UGGT1: variants seen among roughly 807,000 people sequenced by gnomAD.
UGGT1 encodes UDP-glucose:glycoprotein glucosyltransferase 1.
In UGGT1, 107 loss-of-function variants were observed where a neutral mutation model predicts 203.9. That is an observed-to-expected ratio of 0.52 (90% CI 0.45 to 0.62). The LOEUF (loss-of-function observed/expected upper bound fraction) is 0.62. UGGT1 is among the 20% of genes least tolerant of loss of function. The probability of loss-of-function intolerance (pLI) is 0.00; values close to 1 mark genes in which losing one functional copy is unlikely to be tolerated. For missense variants in UGGT1, 1,673 were observed against 1,867.2 expected (o/e 0.90, Z 1.92); for synonymous variants, 628 against 653.5 (o/e 0.96, Z 0.59).
At chr2:128,167,078 C>T (rs957554691) in intron 26 of UGGT1, among the ~76,000 whole-genome samples, 1 of 152,072 alleles carries the variant, frequency 6.6e-6, no homozygotes, top group African/African-American at 2.4e-5. Flanking sequence ...TTGAATTTGG[C>T]CATTAGCACC....
At position 128,179,789 on chromosome 2, in the gene UGGT1, A is replaced by G; in HGVS notation, c.3819A>G (p.Ile1273Met). The G allele has an allele frequency of 6.2e-7, 1 of 1,611,514 alleles. No homozygotes were observed. Residue 1273 changes from isoleucine to methionine, a missense_variant, in exon 35 of 41, where the codon ATA becomes ATG. Transcript: ENST00000259253. ...ATTACCTGCTTTTGTTTGGCAGCAT[A>G]ATGATGCTATCCGTGCTGAAGAATA... ...SGHLYERFLR[I>M]MMLSVLKNTK...
At chr2:128,170,236 C>A in intron 26 of UGGT1, 52 bp from the exon 27 acceptor site, 4 of 1,540,674 alleles carry the variant, frequency 2.6e-6, no homozygotes, top group Non-Finnish European at 3.6e-6. Flanking sequence ...ACAAAAAAAA[C>A]TTTTGTTTCC....
chr2:128,097,344 C>T, intron 1 of UGGT1, 85 bp from the exon 2 acceptor site: 3 of 1,489,070 alleles, frequency 2.0e-6, no homozygotes, highest in Non-Finnish European at 2.7e-6. Context: ...CACTGCACTC[C>T]AGCCTGGGCG....
intron 15 of UGGT1, 113 bp from the exon 16 acceptor site, chr2:128,138,604 A>G: frequency 3.1e-6 from 4 of 1,292,816 alleles, no homozygotes; most frequent in Non-Finnish European, 4.2e-6. Context: ...CTTTTCACTC[A>G]AAGAGTTTTC....
In UGGT1 at chr2:128,108,136, T is replaced by A. The variant is rs546172588; in HGVS notation, c.408+68T>A. 63 of 1,547,940 alleles carry A rather than the reference T, an allele frequency of 4.1e-5. No homozygotes were observed. In the African/African-American group the frequency reaches 8.3e-4, roughly 20 times the overall value. ...TCATGATGAATGGATGGACCCCAGT[T>A]GTCCTGGAATTGAATTACAGAGCTA... On this transcript the variant is annotated intron_variant, in intron 4 of 40. Transcript: ENST00000259253.
chr2:128,136,927 CATT>C (rs1208354611), intron 15 of UGGT1, among the ~76,000 whole-genome samples: 2 of 152,164 alleles, frequency 1.3e-5, no homozygotes, highest in African/African-American at 2.4e-5. Flanking sequence ...GGTGGTATGT[CATT>C]GTTGTTTAAT....
chr2:128,178,399 CT>C, intron 33 of UGGT1, 68 bp from the exon 34 acceptor site: 1 of 1,341,986 alleles, frequency 7.5e-7, no homozygotes, highest in Non-Finnish European at 1.0e-6. Context: ...TCTCTTTCCT[CT>C]TACTTTCAAA....
intron 30 of UGGT1, among the ~76,000 whole-genome samples, chr2:128,174,481 A>C (rs1486228519): frequency 1.3e-5 from 2 of 151,830 alleles, no homozygotes; most frequent in Non-Finnish European, 2.9e-5. Context: ...GTCCTTTTTT[A>C]GTAGAGATGG....
At chr2:128,136,246 A>G (rs1373960713) in intron 15 of UGGT1, among the ~76,000 whole-genome samples, 1 of 152,238 alleles carries the variant, frequency 6.6e-6, no homozygotes, top group African/African-American at 2.4e-5. Flanking sequence ...TCCATAGTTT[A>G]CATTAAGATT....
At chr2:128,142,927 C>T (rs945484417) in intron 16 of UGGT1, among the ~76,000 whole-genome samples, 167 bp from the exon 17 acceptor site, 2 of 151,702 alleles carry the variant, frequency 1.3e-5, no homozygotes, top group African/African-American at 4.8e-5. Context: ...GTTCAGTGAG[C>T]CGAGATTGTG....
rs73955953 is a variant in UGGT1 at position 128,154,118 on chromosome 2, A to G, written c.2137+1214A>G. Among the ~76,000 whole-genome samples, 628 of 152,112 alleles carry G rather than the reference A, an allele frequency of 4.1e-3. 6 individuals are homozygous for G. The highest frequency in any genetic ancestry group is 0.013 in the African/African-American group (551 of 41,486). On this transcript the variant is annotated intron_variant, in intron 19 of 40. Transcript: ENST00000259253. ...ACATAAGCACACACACACTGAGGAAAAAGTGTAAATATAGGCTTATATTTG... is the reference window on the plus strand; with the variant it reads ...ACATAAGCACACACACACTGAGGAAGAAGTGTAAATATAGGCTTATATTTG...
Position 128,183,801 on chromosome 2 carries a change from T to C in UGGT1, c.4359+12T>C, listed in dbSNP as rs764748751. ...CAAATCTTGATCAAGTAAGTGTCCA[T>C]TTTTTATGGTTAACTGTGAGTGACG... On this transcript the variant is annotated intron_variant, in intron 38 of 40. Transcript: ENST00000259253. 1 of 1,596,452 alleles carries C rather than the reference T, an allele frequency of 6.3e-7. No homozygotes were observed. Among genetic ancestry groups the C allele is most frequent in the Admixed American group, 1.7e-5 (1 of 59,964 alleles).
intron 29 of UGGT1, 23 bp from the exon 30 acceptor site, chr2:128,173,758 A>AG (rs1553445647): frequency 6.2e-7 from 1 of 1,612,086 alleles, no homozygotes; most frequent in Non-Finnish European, 8.5e-7. Context: ...AGTGCATTCA[A>AG]GTGATTGGAT....
chr2:128,127,520 T>G, intron 12 of UGGT1, 68 bp downstream of exon 12: 1 of 1,192,890 alleles, frequency 8.4e-7, no homozygotes, highest in Non-Finnish European at 1.2e-6. Flanking sequence ...CATGTTCATA[T>G]TGCCGTTCCT....
chr2:128,150,537 TTTCTTCCTCAAG>T (rs1689898490), intron 18 of UGGT1, among the ~76,000 whole-genome samples: 1 of 151,306 alleles, frequency 6.6e-6, no homozygotes, highest in Non-Finnish European at 1.5e-5. Context: ...CTACTCATGA[TTTCTTCCTCAAG>T]ACAACTACCA....
intron 38 of UGGT1, among the ~76,000 whole-genome samples, chr2:128,185,425 C>T (rs541636413): frequency 3.4e-4 from 51 of 150,640 alleles, no homozygotes; most frequent in African/African-American, 1.1e-3. Flanking sequence ...CCACCTTGGC[C>T]TCCCAAAGTG....
chr2:128,167,967 A>T (rs1690878005), intron 26 of UGGT1, among the ~76,000 whole-genome samples: 1 of 151,644 alleles, frequency 6.6e-6, no homozygotes, highest in African/African-American at 2.4e-5. Flanking sequence ...CAGATGTTAC[A>T]CTCTTGTGTA....
chr2:128,113,248 A>G lies in UGGT1; in HGVS notation c.686A>G (p.His229Arg). Residue 229 changes from histidine to arginine, a missense_variant, in exon 6 of 41, where the codon CAT becomes CGT. By Grantham distance (29) the His-to-Arg change is conservative. Coordinates refer to ENST00000259253, the MANE Select transcript of UGGT1 (RefSeq NM_020120.4). Reference sequence around the variant, plus strand: ...GGCAAAATCAATTATGTATTCAGACATTATATATTTGTAAGTATTGACTTA... The same window carrying G: ...GGCAAAATCAATTATGTATTCAGACGTTATATATTTGTAAGTATTGACTTA... ...NAGKINYVFR[H>R]YIFNPRKEPV... The G allele has an allele frequency of 6.2e-7, 1 of 1,601,894 alleles. No homozygotes were observed. The highest frequency in any genetic ancestry group is 8.5e-7 in the Non-Finnish European group (1 of 1,173,440).
intron 26 of UGGT1, among the ~76,000 whole-genome samples, chr2:128,167,780 TCTTTC>T (rs1041764970): frequency 2.2e-4 from 33 of 152,346 alleles, no homozygotes; most frequent in African/African-American, 7.7e-4. Flanking sequence ...CAAATACTCC[TCTTTC>T]CTTGTTTTTT....
Sources: gnomAD v4.1 joint callset for allele counts (sites outside exome capture counted in the v4.1 genomes callset) on GRCh38, gnomAD v4.1.1 for gene constraint, MANE v1.5 for transcripts, NCBI Gene and HGNC (gene_info 2026-07-23, HGNC 2026-07-21) for gene names.